CNBD1: variants seen among roughly 807,000 people sequenced by gnomAD.
CNBD1 encodes cyclic nucleotide-binding domain-containing protein 1.
A neutral mutation model predicts 54.4 loss-of-function variants in CNBD1; 71 were observed. That is an observed-to-expected ratio of 1.30 (90% CI 1.08 to 1.59). The LOEUF (loss-of-function observed/expected upper bound fraction) is 1.59. Among genes scored for constraint, CNBD1 ranks in the 40% most tolerant of loss-of-function variants. The probability of loss-of-function intolerance (pLI) is 0.00; values close to 1 mark genes in which losing one functional copy is unlikely to be tolerated. For synonymous variants in CNBD1, 182 were observed against 170.7 expected (o/e 1.07, Z -0.51); for missense variants, 659 against 518.0 (o/e 1.27, Z -2.64).
intron 2 of CNBD1, among the ~76,000 whole-genome samples, chr8:87,408,774 A>G (rs1038715982): frequency 9.9e-5 from 15 of 152,206 alleles, no homozygotes; most frequent in African/African-American, 1.9e-4. Flanking sequence ...CAAACTTCTC[A>G]TTATTATTAC....
At chr8:87,148,356 T>C (rs5025032) in intron 4 of CNBD1, among the ~76,000 whole-genome samples, 4,147 of 152,264 alleles carry the variant, frequency 0.027, 207 homozygotes, top group African/African-American at 0.092. Flanking sequence ...TATGTTGAAC[T>C]TGATCGTAAA....
At chr8:87,369,367 T>C (rs74737500) in intron 10 of CNBD1, among the ~76,000 whole-genome samples, 2,860 of 152,100 alleles carry the variant, frequency 0.019, 90 homozygotes, top group African/African-American at 0.062. Context: ...TATATTTATA[T>C]TGTGTTTTAT....
chr8:87,043,132 A>G (rs117635617), intron 4 of CNBD1, among the ~76,000 whole-genome samples: 2,373 of 152,298 alleles, frequency 0.016, 21 homozygotes, highest in Non-Finnish European at 0.021. Context: ...GGGAAATGTT[A>G]CAGGGTCATG....
chr8:87,374,603 A>C lies in CNBD1; in HGVS notation c.1304-8017A>C, dbSNP rs180742116. ...TCTTCATTAGTACTGGGGCACGTTA[A>C]ATTTCCCAGCCTCTCTAGCAGTTAG... On this transcript the variant is annotated intron_variant, in intron 10 of 10. Transcript: ENST00000518476. Among the ~76,000 whole-genome samples, 814 of 151,900 alleles carry C rather than the reference A, an allele frequency of 5.4e-3. 16 individuals are homozygous for C. Among genetic ancestry groups the C allele is most frequent in the African/African-American group, 0.019 (784 of 41,498 alleles).
chr8:87,374,594 G>A (rs930821663), intron 10 of CNBD1, among the ~76,000 whole-genome samples: 1 of 151,716 alleles, frequency 6.6e-6, no homozygotes, highest in Non-Finnish European at 1.5e-5. Context: ...TTAGTACTGG[G>A]GCACGTTAAA....
intron 2 of CNBD1, among the ~76,000 whole-genome samples, chr8:86,903,079 A>G (rs540519067): frequency 3.3e-5 from 5 of 152,148 alleles, no homozygotes; most frequent in Admixed American, 1.3e-4. Context: ...CTGAAAAATC[A>G]TGTCATCTCT....
intron 4 of CNBD1, among the ~76,000 whole-genome samples, chr8:87,020,725 C>G (rs530135340): frequency 6.6e-6 from 1 of 152,212 alleles, no homozygotes; most frequent in African/African-American, 2.4e-5. Context: ...TTAAAATTGC[C>G]CTGCAAAGTC....
chr8:86,923,993 TA>T (rs1033412625), intron 3 of CNBD1, among the ~76,000 whole-genome samples: 1 of 152,180 alleles, frequency 6.6e-6, no homozygotes, highest in Non-Finnish European at 1.5e-5. Flanking sequence ...ATCTTTGATT[TA>T]AAAGTAGTAA....
chr8:87,131,866 T>C (rs1812124452), intron 4 of CNBD1, among the ~76,000 whole-genome samples: 2 of 152,056 alleles, frequency 1.3e-5, no homozygotes, highest in South Asian at 4.1e-4. Context: ...CCTCTCTTCA[T>C]TGAAAAAGAC....
At chr8:87,303,626 A>T (rs999753721) in intron 8 of CNBD1, among the ~76,000 whole-genome samples, 1 of 147,860 alleles carries the variant, frequency 6.8e-6, no homozygotes, top group Non-Finnish European at 1.5e-5. Context: ...CAAAAGCCAA[A>T]ATTGACAAAT....
intron 4 of CNBD1, among the ~76,000 whole-genome samples, chr8:87,045,143 T>TG (rs1311679495): frequency 6.6e-6 from 1 of 152,154 alleles, no homozygotes; most frequent in Non-Finnish European, 1.5e-5. Context: ...CTTGGAAGAA[T>TG]GGCATGTCCA....
chr8:87,422,317 G>A (rs1307696541), intron 2 of CNBD1, among the ~76,000 whole-genome samples: 1 of 146,862 alleles, frequency 6.8e-6, no homozygotes, highest in Admixed American at 6.8e-5. Flanking sequence ...TGTTGCCATT[G>A]CTTTTGGTGT....
At chr8:87,424,791 T>G (rs557192038) in intron 2 of CNBD1, among the ~76,000 whole-genome samples, 6 of 152,298 alleles carry the variant, frequency 3.9e-5, no homozygotes, top group Middle Eastern at 3.4e-3. Flanking sequence ...ATCTGACAAT[T>G]ATGTGTCTTG....
chr8:87,028,015 A>G (rs887390997), intron 4 of CNBD1, among the ~76,000 whole-genome samples: 1 of 152,136 alleles, frequency 6.6e-6, no homozygotes, highest in African/African-American at 2.4e-5. Flanking sequence ...TACCCACAAA[A>G]GACATTCACT....
intron 2 of CNBD1, among the ~76,000 whole-genome samples, chr8:87,414,614 C>T (rs1563593245): frequency 2.0e-5 from 3 of 151,964 alleles, no homozygotes; most frequent in African/African-American, 7.2e-5. Context: ...AATGCTACAA[C>T]TTATATCATG....
At chr8:87,423,780 G>A (rs571052025) in intron 2 of CNBD1, among the ~76,000 whole-genome samples, 178 of 152,076 alleles carry the variant, frequency 1.2e-3, no homozygotes, top group South Asian at 2.5e-3. Flanking sequence ...TCAGAATGAT[G>A]CTGGCCTCAT....
rs183429467 is a variant in CNBD1 at position 87,193,532 on chromosome 8, G to C, written c.432-12461G>C. Among the ~76,000 whole-genome samples, 297 of 152,240 alleles carry C rather than the reference G, an allele frequency of 2.0e-3. 6 individuals are homozygous for C. Among genetic ancestry groups the C allele is most frequent in the African/African-American group, 6.7e-3 (278 of 41,558 alleles). ...GTTGATTGTTTTATGACAGGACATA[G>C]AGATATTTTCTTTGATTCTTACATG... On this transcript the variant is annotated intron_variant, in intron 4 of 10. Transcript: ENST00000518476.
chr8:87,330,883 A>G (rs1055406960), intron 8 of CNBD1, among the ~76,000 whole-genome samples: 9 of 152,298 alleles, frequency 5.9e-5, no homozygotes, highest in Non-Finnish European at 1.3e-4. Context: ...ATAGATTAAT[A>G]TTAGATATAA....
At chr8:87,167,449 CA>C (rs1812987408) in intron 4 of CNBD1, among the ~76,000 whole-genome samples, 3 of 151,720 alleles carry the variant, frequency 2.0e-5, no homozygotes, top group Admixed American at 6.6e-5. Flanking sequence ...AACACTAGAA[CA>C]TTTTTTGTTG....
Sources: gnomAD v4.1 joint callset for allele counts (sites outside exome capture counted in the v4.1 genomes callset) on GRCh38, gnomAD v4.1.1 for gene constraint, MANE v1.5 for transcripts, NCBI Gene and HGNC (gene_info 2026-07-23, HGNC 2026-07-21) for gene names.